Variants in ATF1 observed in about 807,000 individuals in gnomAD.
ATF1 encodes cyclic AMP-dependent transcription factor ATF-1.
In ATF1, 16 loss-of-function variants were observed where a neutral mutation model predicts 34.7. The ratio of observed to expected loss-of-function variants is 0.46; its 90% CI spans 0.31 to 0.70. The LOEUF (loss-of-function observed/expected upper bound fraction) is 0.70, where lower values mean the gene tolerates loss of function less well. Among genes scored for constraint, ATF1 ranks in the 30% least tolerant of loss-of-function variants. ATF1 has a pLI of 0.05. For synonymous variants in ATF1, 105 were observed against 113.1 expected (o/e 0.93, Z 0.46); for missense variants, 255 against 321.6 (o/e 0.79, Z 1.58).
chr12:50,785,252 C>A (rs1247963384), intron 2 of ATF1, among the ~76,000 whole-genome samples: 1 of 147,206 alleles, frequency 6.8e-6, no homozygotes, highest in Non-Finnish European at 1.5e-5. Flanking sequence ...TGTAGACTCA[C>A]CCCATCTCAA....
intron 3 of ATF1, among the ~76,000 whole-genome samples, chr12:50,798,178 G>A (rs1403443868): frequency 6.6e-6 from 1 of 151,930 alleles, no homozygotes; most frequent in Non-Finnish European, 1.5e-5. Context: ...AACTACTTAA[G>A]TGTATACTTC....
At chr12:50,767,546 C>T (rs971650335) in intron 1 of ATF1, among the ~76,000 whole-genome samples, 1 of 152,064 alleles carries the variant, frequency 6.6e-6, no homozygotes, top group Admixed American at 6.6e-5. Flanking sequence ...AAAAAGAACA[C>T]CTGTAAGCTC....
chr12:50,777,457 CAA>C (rs1490433480), intron 1 of ATF1, among the ~76,000 whole-genome samples: 25 of 152,162 alleles, frequency 1.6e-4, no homozygotes, highest in African/African-American at 5.8e-4. Flanking sequence ...TGACTAAAAA[CAA>C]GAGCTTCAAT....
chr12:50,817,826 G>A (rs1941873677), intron 6 of ATF1, among the ~76,000 whole-genome samples: 1 of 152,172 alleles, frequency 6.6e-6, no homozygotes, highest in Non-Finnish European at 1.5e-5. Context: ...TTGTAAACAT[G>A]AAATTATTCC....
At chr12:50,783,695 C>T (rs1941121291) in intron 2 of ATF1, among the ~76,000 whole-genome samples, 1 of 151,746 alleles carries the variant, frequency 6.6e-6, no homozygotes, top group Non-Finnish European at 1.5e-5. Flanking sequence ...TGGTGAAACC[C>T]CGTCTCTACT....
At chr12:50,768,286 T>C (rs1375542752) in intron 1 of ATF1, among the ~76,000 whole-genome samples, 1 of 152,220 alleles carries the variant, frequency 6.6e-6, no homozygotes, top group Non-Finnish European at 1.5e-5. Flanking sequence ...CTGTGAACTG[T>C]CTTATATTTT....
At chr12:50,764,098 G>T (rs1940561494), upstream of ATF1, 1 of 142,856 alleles carries the variant, frequency 7.0e-6, no homozygotes, top group South Asian at 2.4e-4. Flanking sequence ...AGATCATGCC[G>T]CCAGTAGCGG....
chr12:50,815,296 A>AC, intron 6 of ATF1, among the ~76,000 whole-genome samples: 1 of 131,614 alleles, frequency 7.6e-6, no homozygotes. Context: ...GATGATCCTG[A>AC]CCCTAGGCTA....
intron 3 of ATF1, among the ~76,000 whole-genome samples, chr12:50,808,382 A>G (rs560521561): frequency 7.6e-4 from 113 of 148,888 alleles, no homozygotes; most frequent in South Asian, 7.5e-3. Context: ...GGCTGGGGGT[A>G]CAGTGGCACC....
intron 1 of ATF1, among the ~76,000 whole-genome samples, chr12:50,772,692 CTCTT>C (rs779717256): frequency 2.6e-5 from 4 of 150,998 alleles, no homozygotes; most frequent in African/African-American, 7.3e-5. Context: ...CTCTCTCTCT[CTCTT>C]TTATTTTAAG....
intron 1 of ATF1, among the ~76,000 whole-genome samples, chr12:50,777,921 C>A (rs936410852): frequency 6.8e-6 from 1 of 147,752 alleles, no homozygotes; most frequent in Non-Finnish European, 1.5e-5. Flanking sequence ...ATATACGTAC[C>A]GTGGAATTTA....
chr12:50,809,562 A>G lies in ATF1; in HGVS notation c.301A>G (p.Ile101Val), dbSNP rs761104902. 2 of 1,613,822 alleles carry G rather than the reference A, an allele frequency of 1.2e-6. No individual in the cohort carries two copies. Among genetic ancestry groups the G allele is most frequent in the Non-Finnish European group, 8.5e-7 (1 of 1,179,784 alleles). The change falls in exon 4 of 7, where the codon ATC becomes GTC. Residue 101 changes from isoleucine to valine, a missense_variant. By Grantham distance (29) the Ile-to-Val change is conservative. Around this residue, in one of 2 missense-constraint regions of ATF1, gnomAD observed 221 missense variants for 250.7 expected, o/e 0.88. Coordinates refer to ENST00000262053, the MANE Select transcript of ATF1 (RefSeq NM_005171.5). ...AVTSMSVPTP[I>V]YQTSSGQYIA... ...CACTTCTATGTCTGTTCCAACTCCC[A>G]TCTATCAGACTAGCAGCGGACAGTA...
At chr12:50,815,503 G>A (rs776054834) in intron 6 of ATF1, among the ~76,000 whole-genome samples, 9 of 151,618 alleles carry the variant, frequency 5.9e-5, no homozygotes, top group African/African-American at 7.3e-5. Context: ...CTCCCAGCTC[G>A]GCCTCCCAAG....
chr12:50,818,673 G>A (rs191330868), intron 6 of ATF1, among the ~76,000 whole-genome samples: 14 of 152,102 alleles, frequency 9.2e-5, no homozygotes, highest in African/African-American at 2.4e-4. Context: ...GCAGTGGCGC[G>A]ATCTTGGCTC....
At chr12:50,796,558 G>A (rs146511403) in intron 3 of ATF1, among the ~76,000 whole-genome samples, 89 of 152,104 alleles carry the variant, frequency 5.9e-4, no homozygotes, top group Admixed American at 1.4e-3. Context: ...AAAATTAGCC[G>A]GGTGTGGTAG....
chr12:50,798,766 C>T (rs1051783450), intron 3 of ATF1, among the ~76,000 whole-genome samples: 4 of 152,072 alleles, frequency 2.6e-5, no homozygotes, highest in African/African-American at 7.2e-5. Flanking sequence ...ACATAAACCA[C>T]GTAAGTGAGA....
At chr12:50,779,936 C>T (rs1006662443) in intron 1 of ATF1, among the ~76,000 whole-genome samples, 2 of 152,066 alleles carry the variant, frequency 1.3e-5, no homozygotes, top group Non-Finnish European at 2.9e-5. Flanking sequence ...TTATATGTGC[C>T]TTTTATTAAA....
chr12:50,784,933 C>T (rs1941150272), intron 2 of ATF1, among the ~76,000 whole-genome samples: 1 of 150,988 alleles, frequency 6.6e-6, no homozygotes. Context: ...TTTTAGGGTA[C>T]ATGTGCACAA....
intron 2 of ATF1, among the ~76,000 whole-genome samples, 163 bp from the exon 3 acceptor site, chr12:50,795,746 C>T (rs1397851494): frequency 6.6e-6 from 1 of 152,126 alleles, no homozygotes; most frequent in Non-Finnish European, 1.5e-5. Context: ...AATAAACTTT[C>T]TCATTTTTCC....
Sources: gnomAD v4.1 joint callset for allele counts (sites outside exome capture counted in the v4.1 genomes callset) on GRCh38, gnomAD v4.1.1 for gene constraint, gnomAD v4.1.1 regional missense constraint, MANE v1.5 for transcripts, NCBI Gene and HGNC (gene_info 2026-07-23, HGNC 2026-07-21) for gene names.